SLC25A10: variants seen among roughly 807,000 people sequenced by gnomAD.
SLC25A10 encodes the protein mitochondrial dicarboxylate carrier.
In SLC25A10, 32 loss-of-function variants were observed where a neutral mutation model predicts 40.4. That is an observed-to-expected ratio of 0.79 (90% CI 0.60 to 1.06). The LOEUF (loss-of-function observed/expected upper bound fraction) is 1.06. SLC25A10 is among the 50% of genes least tolerant of loss of function. SLC25A10 has a pLI of 0.00. For missense variants in SLC25A10, 394 were observed against 402.6 expected, an observed-to-expected ratio of 0.98 and a Z score of 0.18; for synonymous variants, 181 against 171.1, an observed-to-expected ratio of 1.06 and a Z score of -0.45.
Position 81,718,776 on chromosome 17 carries a change from G to C in SLC25A10, c.705+915G>C, listed in dbSNP as rs190457115. ...AGCCTGACCAACATGGTGAAACCCC[G>C]TCTCTACTAAAAATGCAAAAAAATT... On this transcript the variant is annotated intron_variant, in intron 9 of 10. Transcript: ENST00000350690. 8.7e-5 allele frequency among the ~76,000 whole-genome samples: 13 copies of C among 148,684 alleles called. No individual in the cohort carries two copies. In the South Asian group the frequency reaches 2.2e-3, roughly 25 times the overall value.
At chr17:81,717,655 G>A (rs2037514554) in intron 8 of SLC25A10, 129 bp from the exon 9 acceptor site, 2 of 1,305,432 alleles carry the variant, frequency 1.5e-6, no homozygotes, top group East Asian at 5.0e-5. Flanking sequence ...TCATGGGTCA[G>A]CCTGGTGCCC....
chr17:81,712,595 C>A, intron 1 of SLC25A10, 76 bp downstream of exon 1: 3 of 1,052,814 alleles, frequency 2.8e-6, no homozygotes, highest in Non-Finnish European at 3.6e-6. Flanking sequence ...AGCAGCCCGG[C>A]CCCACGCACC....
rs1464672216 is a variant in SLC25A10, at chr17:81,717,362, C to T, written c.535-37C>T. 2.5e-6 allele frequency: 4 copies of T among 1,598,422 alleles called. No homozygotes were observed. In the African/African-American group the frequency reaches 4.0e-5, roughly 16 times the overall value. On this transcript the variant is annotated intron_variant, in intron 7 of 10. Coordinates refer to ENST00000350690, the MANE Select transcript of SLC25A10 (RefSeq NM_012140.5). ...CTGTGTGCTTTCCCCAAGCTGGGGTCCCCCCTACAGCCCTGACCGCCCTTG... is the reference window on the plus strand; with the variant it reads ...CTGTGTGCTTTCCCCAAGCTGGGGTTCCCCCTACAGCCCTGACCGCCCTTG...
At chr17:81,719,045 C>T (rs1209184433) in intron 9 of SLC25A10, among the ~76,000 whole-genome samples, 1 of 151,486 alleles carries the variant, frequency 6.6e-6, no homozygotes, top group African/African-American at 2.4e-5. Context: ...GATTCTCCTG[C>T]CTCAGCCTCC....
In SLC25A10 at chr17:81,712,510, C is replaced by T. The variant is rs2037402528; in HGVS notation, c.84C>T (p.Asp28=). 2 of 1,280,244 alleles carry T rather than the reference C, an allele frequency of 1.6e-6. No homozygotes were observed. The highest frequency in any genetic ancestry group is 2.8e-4 in the Middle Eastern group (1 of 3,536). 79.3% of individuals were successfully genotyped at this position (1,280,244 alleles called of 1,614,324 possible). A position where few individuals can be genotyped will look rare whatever the true frequency, so the allele number is the denominator to read the frequency against. ...CGAACCTHPL[D]LLKVHLQTQQ... is the part of the protein sequence containing the mutation. ...CCGCCTGCTGCACGCACCCGCTGGA[C>T]CTGCTCAAGGTGAGGCCGGGGCCCG... is the stretch of plus-strand genomic sequence containing the variant. Residue 28 remains aspartate (D), a synonymous_variant, in exon 1 of 11, where the codon GAC becomes GAT. Transcript: ENST00000350690.
At position 81,720,615 on chromosome 17, in the gene SLC25A10, C is replaced by T; in HGVS notation, c.*538C>T. The T allele has an allele frequency of 1.0e-6, 1 of 961,058 alleles. No individual in the cohort carries two copies. The highest frequency in any genetic ancestry group is 1.4e-6 in the Non-Finnish European group (1 of 734,114). The allele number at this position is 961,058 out of a possible 1,614,324, so 59.5% of individuals were successfully genotyped here. Reference sequence around the variant, plus strand: ...CCCGCAGCTGGGTGGGATGAACAAGCAACGCAGACCACAAGCGAGTGCCTG... The same window carrying T: ...CCCGCAGCTGGGTGGGATGAACAAGTAACGCAGACCACAAGCGAGTGCCTG... On this transcript the variant is annotated 3_prime_UTR_variant, in exon 11 of 11. Transcript: ENST00000350690.
intron 7 of SLC25A10, 96 bp downstream of exon 7, chr17:81,717,168 C>A: frequency 1.4e-6 from 2 of 1,409,430 alleles, no homozygotes; most frequent in South Asian, 2.4e-5. Flanking sequence ...GCGCCAAAAC[C>A]CTCCTGGGGA....
Position 81,717,530 on chromosome 17 carries a change from C to T in SLC25A10, c.627+39C>T, listed in dbSNP as rs201204670. Reference sequence around the variant, plus strand: ...ATGGCTAGGGTGGGCGTCCCTGGGCCGGCCTTGGGCGCTGAGGGCACCCAG... The same window carrying T: ...ATGGCTAGGGTGGGCGTCCCTGGGCTGGCCTTGGGCGCTGAGGGCACCCAG... On this transcript the variant is annotated intron_variant, in intron 8 of 10. Transcript: ENST00000350690. The T allele has an allele frequency of 4.0e-4, 648 of 1,606,688 alleles. 1 individual carries two copies. Among genetic ancestry groups the T allele is most frequent in the Middle Eastern group, 2.6e-3 (16 of 6,052 alleles).
chr17:81,715,994 C>T lies in SLC25A10; in HGVS notation c.378-15C>T. On this transcript the variant is annotated splice_polypyrimidine_tract_variant and intron_variant, in intron 4 of 10. Coordinates refer to ENST00000350690, the MANE Select transcript of SLC25A10 (RefSeq NM_012140.5). ...TCGGCCCGCCCGCCCCTCCCGCCAC[C>T]TGCTTCTGTTTCAGGATGCAGAACG... The T allele has an allele frequency of 6.3e-7, 1 of 1,577,722 alleles. No homozygotes were observed. Among genetic ancestry groups the T allele is most frequent in the Non-Finnish European group, 8.6e-7 (1 of 1,161,806 alleles).
At position 81,717,306 on chromosome 17, in the gene SLC25A10, T is replaced by C. The variant is rs544091803; in HGVS notation, c.535-93T>C. 94 of 1,282,748 alleles carry C rather than the reference T, an allele frequency of 7.3e-5. 1 individual carries two copies. In the South Asian group the frequency reaches 1.0e-3, roughly 14 times the overall value. 79.5% of individuals were successfully genotyped at this position (1,282,748 alleles called of 1,614,324 possible). Reference sequence around the variant, plus strand: ...CGGACGGACAGACGGAGCAGGTGCTTGGCCATTGCCAGGTGGTGTCGCCTG... The same window carrying C: ...CGGACGGACAGACGGAGCAGGTGCTCGGCCATTGCCAGGTGGTGTCGCCTG... On this transcript the variant is annotated intron_variant, in intron 7 of 10. Transcript: ENST00000350690.
chr17:81,715,823 G>A, intron 4 of SLC25A10, 82 bp downstream of exon 4: 1 of 1,577,428 alleles, frequency 6.3e-7, no homozygotes, highest in Non-Finnish European at 8.7e-7. Context: ...GCTGCTTGCA[G>A]GGTGGGGTCA....
At chr17:81,717,604 C>A in intron 8 of SLC25A10, 113 bp downstream of exon 8, 1 of 1,347,340 alleles carries the variant, frequency 7.4e-7, no homozygotes, top group Non-Finnish European at 1.1e-6. Flanking sequence ...TCTGGCAGTG[C>A]CCCCTGGGGC....
At chr17:81,715,104 G>C in intron 2 of SLC25A10, 32 bp downstream of exon 2, 1 of 1,603,222 alleles carries the variant, frequency 6.2e-7, no homozygotes, top group Non-Finnish European at 8.5e-7. Context: ...TGGGCTCCCA[G>C]ACTGGGGCTG....
Position 81,719,998 on chromosome 17 carries a change from G to C in SLC25A10, c.785G>C (p.Arg262Pro). 1 of 1,613,698 alleles carries C rather than the reference G, an allele frequency of 6.2e-7. No homozygotes were observed. Among genetic ancestry groups the C allele is most frequent in the Non-Finnish European group, 8.5e-7 (1 of 1,180,010 alleles). Residue 262 changes from arginine to proline, a missense_variant, in exon 11 of 11, where the codon CGC (arginine) becomes CCC (proline). By Grantham distance (103) the Arg-to-Pro change is moderately radical. Coordinates refer to ENST00000350690, the MANE Select transcript of SLC25A10 (RefSeq NM_012140.5). Reference protein sequence around the residue: ...FYKGLVPAGIRLIPHTVLTFV... With the variant: ...FYKGLVPAGIPLIPHTVLTFV... ...CAGGGCCTCGTCCCAGCTGGCATCC[G>C]CCTCATCCCCCACACCGTGCTCACT...
intron 1 of SLC25A10, chr17:81,713,458 GA>G (rs1482561924): frequency 1.0e-6 from 1 of 985,298 alleles, no homozygotes; most frequent in Admixed American, 6.2e-5. Flanking sequence ...CCTTTGAGGG[GA>G]CTGGCTTTAC....
chr17:81,719,272 T>C (rs2037545381), intron 9 of SLC25A10, among the ~76,000 whole-genome samples: 1 of 151,474 alleles, frequency 6.6e-6, no homozygotes, highest in Non-Finnish European at 1.5e-5. Flanking sequence ...TTCGCCATGT[T>C]CGCCAGGCTG....
Position 81,717,808 on chromosome 17 carries a change from C to A in SLC25A10, c.652C>A (p.Gln218Lys). 6.2e-7 allele frequency: 1 copy of A among 1,612,146 alleles called. No individual in the cohort carries two copies. The highest frequency in any genetic ancestry group is 8.5e-7 in the Non-Finnish European group (1 of 1,179,740). The part of the protein sequence containing the change: ...IAGGCATFLC[Q>K]PLDVLKTRLM... Reference sequence around the variant, plus strand: ...GGGTGGATGTGCCACGTTCCTGTGCCAGCCCCTGGATGTGCTGAAGACTCG... The same window carrying A: ...GGGTGGATGTGCCACGTTCCTGTGCAAGCCCCTGGATGTGCTGAAGACTCG... Residue 218 changes from glutamine to lysine, a missense_variant, in exon 9 of 11, where the codon CAG (glutamine) becomes AAG (lysine). By Grantham distance (53) the Gln-to-Lys change is moderately conservative. Transcript: ENST00000350690.
rs1231110215 is a variant in SLC25A10, at chr17:81,716,839, C to T, written c.447C>T (p.Tyr149=). The T allele has an allele frequency of 8.1e-6, 13 of 1,610,870 alleles. No individual in the cohort carries two copies. The highest frequency in any genetic ancestry group is 3.3e-4 in the Middle Eastern group (2 of 6,044). Residue 149 remains tyrosine, a synonymous_variant, in exon 6 of 11, where the codon TAC becomes TAT. Coordinates refer to ENST00000350690, the MANE Select transcript of SLC25A10 (RefSeq NM_012140.5). ...RNYAHALDGL[Y]RVAREEGLRR... ...ACGCCCATGCGCTGGATGGCCTGTA[C>T]CGCGTAGCTCGTGAAGGTGAGGGGC...
chr17:81,713,330 C>A, intron 1 of SLC25A10: 1 of 382,974 alleles, frequency 2.6e-6, no homozygotes. Context: ...GGGCCTGAGG[C>A]TTTGCACAGT....
Sources: gnomAD v4.1 joint callset for allele counts (sites outside exome capture counted in the v4.1 genomes callset) on GRCh38, gnomAD v4.1.1 for gene constraint, MANE v1.5 for transcripts, NCBI Gene and HGNC (gene_info 2026-07-23, HGNC 2026-07-21) for gene names.